The following WWOX variants were observed in gnomAD, a reference collection of about 807,000 sequenced individuals.
WWOX encodes the protein WW domain containing oxidoreductase, also known as WW domain-containing oxidoreductase.
A neutral mutation model predicts 46.2 loss-of-function variants in WWOX; 69 were observed. The observed-to-expected ratio is 1.49, with a 90% CI of 1.23 to 1.82. The LOEUF (loss-of-function observed/expected upper bound fraction) is 1.82, where lower values mean the gene tolerates loss of function less well. WWOX is among the 40% of genes most tolerant of loss of function. The pLI, the probability that WWOX is intolerant of heterozygous loss-of-function variation, is 0.00. For synonymous variants in WWOX, 359 were observed against 202.6 expected (o/e 1.77, Z -6.56); for missense variants, 919 against 542.6 (o/e 1.69, Z -6.89).
chr16:78,573,142 A>T (rs926441984), intron 8 of WWOX, among the ~76,000 whole-genome samples: 3 of 152,096 alleles, frequency 2.0e-5, no homozygotes, highest in Non-Finnish European at 4.4e-5. Context: ...AAAATTAGCC[A>T]GGCATGGTGG....
chr16:79,152,434 C>T (rs1008855488), intron 8 of WWOX, among the ~76,000 whole-genome samples: 4 of 152,022 alleles, frequency 2.6e-5, no homozygotes, highest in African/African-American at 4.8e-5. Flanking sequence ...CACTTTGGGA[C>T]GATGAGGCGG....
intron 8 of WWOX, among the ~76,000 whole-genome samples, chr16:78,515,502 C>T (rs183346194): frequency 7.2e-5 from 11 of 152,186 alleles, no homozygotes; most frequent in East Asian, 3.9e-4. Flanking sequence ...GTCATTTCCC[C>T]GGAAGTGTGC....
Position 79,212,476 on chromosome 16 carries a change from T to G in WWOX, c.*680T>G. On this transcript the variant is annotated 3_prime_UTR_variant, in exon 9 of 9. Coordinates refer to ENST00000566780, the MANE Select transcript of WWOX (RefSeq NM_016373.4). The stretch of plus-strand genomic sequence containing the variant: ...CAAATTTTTCAAATCATTCCTTAGA[T>G]ACCTTGAAAGGCAGGAAGGGAAGCG... 2 of 225,518 alleles carry G rather than the reference T, an allele frequency of 8.9e-6. No homozygotes were observed. The highest frequency in any genetic ancestry group is 8.9e-6 in the Non-Finnish European group (1 of 112,680). The allele number at this position is 225,518 out of a possible 1,614,324, so 14.0% of individuals were successfully genotyped here.
Position 78,207,672 on chromosome 16 carries a change from A to T in WWOX, c.516+43383A>T, listed in dbSNP as rs562718619. ...CATCTGCTATATCCGGTAACAGGATAACAGTGCATTGCTGGGATGATGAGG... is the reference window on the plus strand; with the variant it reads ...CATCTGCTATATCCGGTAACAGGATTACAGTGCATTGCTGGGATGATGAGG... On this transcript the variant is annotated intron_variant, in intron 5 of 8. Coordinates refer to ENST00000566780, the MANE Select transcript of WWOX (RefSeq NM_016373.4). 2.0e-5 allele frequency among the ~76,000 whole-genome samples: 3 copies of T among 151,872 alleles called. No individual in the cohort carries two copies. The South Asian group carries it at 6.3e-4, about 32-fold the overall frequency.
At chr16:79,117,213 G>A (rs1308758737) in intron 8 of WWOX, among the ~76,000 whole-genome samples, 1 of 152,020 alleles carries the variant, frequency 6.6e-6, no homozygotes, top group East Asian at 1.9e-4. Context: ...ATTTCACCGT[G>A]TTGCCCAGGC....
intron 8 of WWOX, among the ~76,000 whole-genome samples, chr16:79,112,823 C>G (rs184293596): frequency 2.6e-4 from 40 of 152,258 alleles, no homozygotes; most frequent in African/African-American, 9.6e-4. Context: ...GTGAAGACAG[C>G]TCAGGAGACC....
At chr16:78,595,551 C>A (rs892983113) in intron 8 of WWOX, among the ~76,000 whole-genome samples, 1 of 152,240 alleles carries the variant, frequency 6.6e-6, no homozygotes, top group African/African-American at 2.4e-5. Flanking sequence ...CAATCTCTCC[C>A]TCCCCACCAC....
At chr16:78,352,072 G>A (rs2081196797) in intron 5 of WWOX, among the ~76,000 whole-genome samples, 1 of 152,158 alleles carries the variant, frequency 6.6e-6, no homozygotes, top group Non-Finnish European at 1.5e-5. Context: ...GGTGGAGATG[G>A]TGGCGCACAA....
At chr16:78,600,809 C>T (rs779466286) in intron 8 of WWOX, among the ~76,000 whole-genome samples, 8 of 152,136 alleles carry the variant, frequency 5.3e-5, no homozygotes, top group African/African-American at 1.2e-4. Flanking sequence ...CCCTTTGAAT[C>T]GGATGTCTAG....
chr16:78,595,053 G>T (rs559660014), intron 8 of WWOX, among the ~76,000 whole-genome samples: 3 of 152,176 alleles, frequency 2.0e-5, no homozygotes, highest in Non-Finnish European at 4.4e-5. Context: ...TTGTCAAGAG[G>T]CTTGGGGACC....
At chr16:78,418,012 T>C (rs529743812) in intron 6 of WWOX, among the ~76,000 whole-genome samples, 1 of 152,298 alleles carries the variant, frequency 6.6e-6, no homozygotes, top group East Asian at 1.9e-4. Flanking sequence ...ACAACAGTGA[T>C]TAAATACGTT....
rs376559842 is a variant in WWOX, at chr16:78,772,782, G to C, written c.1056+340030G>C. 1.5e-3 allele frequency among the ~76,000 whole-genome samples: 222 copies of C among 152,278 alleles called. 1 individual carries two copies. Among genetic ancestry groups the C allele is most frequent in the African/African-American group, 5.3e-3 (220 of 41,566 alleles). On this transcript the variant is annotated intron_variant, in intron 8 of 8. Coordinates refer to ENST00000566780, the MANE Select transcript of WWOX (RefSeq NM_016373.4). ...ACCTGTAATCTCAGCGCTTTGTGGG[G>C]CTTAGGCAGGAGGATTGCTTGAGCT...
chr16:79,177,531 C>G (rs1170653976), intron 8 of WWOX, among the ~76,000 whole-genome samples: 2 of 152,160 alleles, frequency 1.3e-5, no homozygotes, highest in African/African-American at 4.8e-5. Context: ...TTCCAGCTTT[C>G]AATAATTCTC....
In WWOX at chr16:78,341,956, GA is replaced by G. The variant is rs34393752; in HGVS notation, c.517-44894del. Among the ~76,000 whole-genome samples the G allele has an allele frequency of 4.2e-3, 476 of 113,128 alleles. 101 individuals carry two copies. The highest frequency in any genetic ancestry group is 0.012 in the African/African-American group (406 of 33,090). The allele number at this position is 113,128 out of a possible 152,430, so 74.2% of individuals were successfully genotyped here. ...CATAGCAAGACCTCATCTCTACTTG[GA>G]AAAAAAAAATTAGCTGGGCATGGTG... On this transcript the variant is annotated intron_variant, in intron 5 of 8. Coordinates refer to ENST00000566780, the MANE Select transcript of WWOX (RefSeq NM_016373.4).
intron 8 of WWOX, among the ~76,000 whole-genome samples, chr16:78,908,585 G>C (rs2045028445): frequency 6.6e-6 from 1 of 152,004 alleles, no homozygotes; most frequent in Non-Finnish European, 1.5e-5. Context: ...GGCTGTGTGG[G>C]AGACCAGAGT....
intron 8 of WWOX, chr16:78,897,669 T>G (rs1308827066): frequency 6.6e-6 from 1 of 152,192 alleles, no homozygotes; most frequent in African/African-American, 2.4e-5. Flanking sequence ...TATGCCCTTA[T>G]GTTTTTATGT....
At chr16:78,369,141 T>C (rs546949678) in intron 5 of WWOX, among the ~76,000 whole-genome samples, 218 of 152,268 alleles carry the variant, frequency 1.4e-3, no homozygotes, top group Non-Finnish European at 2.7e-3. Flanking sequence ...AACTCATTAA[T>C]GTGGAAAATT....
intron 8 of WWOX, among the ~76,000 whole-genome samples, chr16:78,599,472 C>A (rs79857930): frequency 6.6e-6 from 1 of 152,186 alleles, no homozygotes; most frequent in African/African-American, 2.4e-5. Flanking sequence ...ATCAGGCAGC[C>A]CCTCTGACTG....
At chr16:78,728,686 A>T (rs2048893243) in intron 8 of WWOX, among the ~76,000 whole-genome samples, 1 of 152,236 alleles carries the variant, frequency 6.6e-6, no homozygotes, top group Admixed American at 6.5e-5. Flanking sequence ...TGACAACCAC[A>T]GGTCTACATG....
Sources: gnomAD v4.1 joint callset for allele counts (sites outside exome capture counted in the v4.1 genomes callset) on GRCh38, gnomAD v4.1.1 for gene constraint, MANE v1.5 for transcripts, NCBI Gene and HGNC (gene_info 2026-07-23, HGNC 2026-07-21) for gene names.